The following TBC1D25 variants were observed in gnomAD, a reference collection of about 807,000 sequenced individuals.
The protein encoded by TBC1D25 is TBC1 domain family member 25.
A neutral mutation model predicts 38.8 loss-of-function variants in TBC1D25; 13 were observed. The ratio of observed to expected loss-of-function variants is 0.34; its 90% CI spans 0.22 to 0.53. TBC1D25 has a LOEUF of 0.53. Among genes scored for constraint, TBC1D25 ranks in the 20% least tolerant of loss-of-function variants. The pLI, the probability that TBC1D25 is intolerant of heterozygous loss-of-function variation, is 0.94. For missense variants in TBC1D25, 372 were observed against 600.0 expected (o/e 0.62, Z 3.97); for synonymous variants, 225 against 255.6 (o/e 0.88, Z 1.14).
chrX:48,560,936 G>A lies in TBC1D25; in HGVS notation c.2028G>A (p.Trp676Ter), dbSNP rs1360873259. 8.3e-7 allele frequency: 1 copy of A among 1,204,428 alleles called. No homozygotes were observed. Among genetic ancestry groups the A allele is most frequent in the East Asian group, 3.0e-5 (1 of 33,650 alleles). ...CTGATTACCTGCAGTCAGAGGTGTG[G>A]GACTCAGAGGAGGGGGCTGAGGCCA... ...LFADYLQSEV[W>*]DSEEGAEATA... The change falls in exon 6 of 6, where the codon TGG becomes TGA. Residue 676 changes from tryptophan (W) to a stop codon, truncating the protein, a stop_gained. Transcript: ENST00000376771. LOFTEE classifies it high-confidence loss of function.
At chrX:48,540,684 G>C (rs1251275572) in intron 1 of TBC1D25, among the ~76,000 whole-genome samples, 1 of 111,983 alleles carries the variant, frequency 8.9e-6, no homozygotes, top group Non-Finnish European at 1.9e-5. Context: ...GAGGAAGAAC[G>C]CTGTTGCCAT....
chrX:48,559,532 G>T, intron 5 of TBC1D25, 82 bp from the exon 6 acceptor site: 2 of 1,138,432 alleles, frequency 1.8e-6, no homozygotes. Context: ...GGCCCAAGGG[G>T]GGTGGGTGGG....
At chrX:48,550,596 C>T (rs1303031709) in intron 3 of TBC1D25, among the ~76,000 whole-genome samples, 1 of 102,978 alleles carries the variant, frequency 9.7e-6, no homozygotes, top group Non-Finnish European at 2.0e-5. Context: ...CCTGCCTCAG[C>T]CTCCCTAGTA....
At position 48,560,674 on chromosome X, in the gene TBC1D25, C is replaced by T; in HGVS notation, c.1766C>T (p.Ser589Phe). 2.5e-6 allele frequency: 3 copies of T among 1,211,710 alleles called. No individual in the cohort carries two copies. Among genetic ancestry groups the T allele is most frequent in the East Asian group, 5.9e-5 (2 of 33,839 alleles). The part of the protein sequence containing the change: ...VGSPLMQEVG[S>F]PKDPGKSLPP... The stretch of plus-strand genomic sequence containing the variant: ...TCCCCCTTGATGCAAGAGGTAGGCT[C>T]CCCGAAAGACCCTGGAAAGTCCCTG... Residue 589 changes from serine (S) to phenylalanine (F), a missense_variant, in exon 6 of 6, where the codon TCC becomes TTC. By Grantham distance (155) the Ser-to-Phe change is radical (BLOSUM62 -2). Coordinates refer to ENST00000376771, the MANE Select transcript of TBC1D25 (RefSeq NM_002536.4).
At chrX:48,544,762 G>A in intron 2 of TBC1D25, 107 bp from the exon 3 acceptor site, 3 of 1,002,361 alleles carry the variant, frequency 3.0e-6, no homozygotes, top group Non-Finnish European at 4.0e-6. Context: ...CACATAGTAG[G>A]AAGTTGTTTT....
chrX:48,543,756 C>T (rs1556980898), intron 2 of TBC1D25, among the ~76,000 whole-genome samples: 3 of 107,412 alleles, frequency 2.8e-5, no homozygotes, highest in East Asian at 3.0e-4. Context: ...TGGTGGTGGG[C>T]GCCTGTAGTC....
chrX:48,545,818 G>A (rs2061878751), intron 3 of TBC1D25, among the ~76,000 whole-genome samples: 1 of 111,956 alleles, frequency 8.9e-6, no homozygotes, highest in Non-Finnish European at 1.9e-5. Flanking sequence ...CAAGATCAAG[G>A]TGCTGGCAGG....
chrX:48,547,187 A>T (rs1556982026), intron 3 of TBC1D25, among the ~76,000 whole-genome samples: 1 of 112,395 alleles, frequency 8.9e-6, no homozygotes, highest in Non-Finnish European at 1.9e-5. Flanking sequence ...TTATACAGAC[A>T]GTAAGTTGAA....
chrX:48,546,212 C>CAAAA (rs782072122), intron 3 of TBC1D25, among the ~76,000 whole-genome samples: 1 of 57,035 alleles, frequency 1.8e-5, no homozygotes, highest in Non-Finnish European at 3.1e-5. Context: ...GACTTCATCT[C>CAAAA]AAAAAAAAAA....
At chrX:48,559,482 C>A (rs986112245) in intron 5 of TBC1D25, 132 bp from the exon 6 acceptor site, 3 of 1,058,781 alleles carry the variant, frequency 2.8e-6, no homozygotes, top group Non-Finnish European at 3.8e-6. Context: ...TAAGGAGGGG[C>A]GAGCAGTCGG....
Position 48,560,532 on chromosome X carries a change from C to A in TBC1D25, c.1624C>A (p.Pro542Thr). ...ALISSKSLSE[P>T]LLNSPDPLLS... The stretch of plus-strand genomic sequence containing the variant: ...TATCAGCTCCAAGTCCCTCTCTGAG[C>A]CTTTATTGAACTCCCCAGACCCACT... The change falls in exon 6 of 6, where the codon CCT becomes ACT. Residue 542 changes from proline (P) to threonine (T), a missense_variant. By Grantham distance (38) the Pro-to-Thr change is conservative. Coordinates refer to ENST00000376771, the MANE Select transcript of TBC1D25 (RefSeq NM_002536.4). 8.3e-7 allele frequency: 1 copy of A among 1,210,448 alleles called. No homozygotes were observed. The highest frequency in any genetic ancestry group is 1.1e-6 in the Non-Finnish European group (1 of 894,784).
intron 3 of TBC1D25, among the ~76,000 whole-genome samples, chrX:48,557,939 C>T (rs1262962151): frequency 9.2e-6 from 1 of 108,758 alleles, no homozygotes; most frequent in African/African-American, 3.4e-5. Context: ...GGTGAAACTC[C>T]GTCTCTACTA....
chrX:48,548,710 G>C (rs1267648693), intron 3 of TBC1D25, among the ~76,000 whole-genome samples: 1 of 111,911 alleles, frequency 8.9e-6, no homozygotes, highest in Non-Finnish European at 1.9e-5. Context: ...GAATCGGTTT[G>C]ATGTGTAACT....
chrX:48,553,242 A>AAG (rs1486565508), intron 3 of TBC1D25, among the ~76,000 whole-genome samples: 1 of 91,258 alleles, frequency 1.1e-5, no homozygotes, highest in Non-Finnish European at 2.3e-5. Context: ...TTAAATATGT[A>AAG]ATATATATAA....
intron 3 of TBC1D25, among the ~76,000 whole-genome samples, chrX:48,546,911 C>G (rs966034942): frequency 9.8e-5 from 11 of 111,778 alleles, no homozygotes; most frequent in Non-Finnish European, 2.1e-4. Flanking sequence ...ATTGTAGGTT[C>G]AAAATTGTTT....
chrX:48,539,872 G>A lies in TBC1D25; in HGVS notation c.75G>A (p.Ala25=). Residue 25 remains alanine, a synonymous_variant, in exon 1 of 6, where the codon GCG becomes GCA. Transcript: ENST00000376771. ...CGCCCGGTGTGGGAGCTCAGGCGGC[G>A]GCGGCCGCTGAGGAGGAGGAGCGAG... ...APPPGVGAQA[A]AAAEEEEREV... 1 of 964,332 alleles carries A rather than the reference G, an allele frequency of 1.0e-6. No individual in the cohort carries two copies. The highest frequency in any genetic ancestry group is 1.3e-6 in the Non-Finnish European group (1 of 766,728). The allele number at this position is 964,332 out of a possible 1,213,427, so 79.5% of individuals were successfully genotyped here.
intron 3 of TBC1D25, among the ~76,000 whole-genome samples, chrX:48,545,504 A>G (rs782750943): frequency 6.2e-5 from 7 of 112,037 alleles, no homozygotes; most frequent in Non-Finnish European, 1.3e-4. Context: ...GTCATTCTGC[A>G]CCCATATTCA....
Position 48,558,933 on chromosome X carries a change from A to G in TBC1D25, c.425A>G (p.Lys142Arg). 1 of 1,211,736 alleles carries G rather than the reference A, an allele frequency of 8.3e-7. No individual in the cohort carries two copies. The highest frequency in any genetic ancestry group is 1.1e-6 in the Non-Finnish European group (1 of 895,532). ...LLEDWDIISP[K>R]DVIGSDVLLA... The stretch of plus-strand genomic sequence containing the variant: ...GAAGACTGGGACATAATCAGCCCCA[A>G]AGATGTCATTGGCTCCGACGTGTTG... The change falls in exon 4 of 6, where the codon AAA (lysine) becomes AGA (arginine). Residue 142 changes from lysine to arginine, a missense_variant. By Grantham distance (26) the Lys-to-Arg change is conservative. Around this residue, in one of 2 missense-constraint regions of TBC1D25, gnomAD observed 312 missense variants for 549.3 expected, o/e 0.57. Coordinates refer to ENST00000376771, the MANE Select transcript of TBC1D25 (RefSeq NM_002536.4).
chrX:48,539,881 T>TGAG lies in TBC1D25; in HGVS notation c.94_96dup (p.Glu32dup). 1.0e-6 allele frequency: 1 copy of TGAG among 961,127 alleles called. No homozygotes were observed. Among genetic ancestry groups the TGAG allele is most frequent in the Non-Finnish European group, 1.3e-6 (1 of 764,902 alleles). 79.2% of individuals were successfully genotyped at this position (961,127 alleles called of 1,213,427 possible). A position where few individuals can be genotyped will look rare whatever the true frequency, so the allele number is the denominator to read the frequency against. ...TGGGAGCTCAGGCGGCGGCGGCCGC[T>TGAG]GAGGAGGAGGAGCGAGAGGTGGTGC... On this transcript the variant is annotated inframe_insertion, in exon 1 of 6. Coordinates refer to ENST00000376771, the MANE Select transcript of TBC1D25 (RefSeq NM_002536.4).
Sources: gnomAD v4.1 joint callset for allele counts (sites outside exome capture counted in the v4.1 genomes callset) on GRCh38, gnomAD v4.1.1 for gene constraint, gnomAD v4.1.1 regional missense constraint, MANE v1.5 for transcripts, NCBI Gene and HGNC (gene_info 2026-07-23, HGNC 2026-07-21) for gene names.